Variants in CNOT6 observed in about 807,000 individuals in gnomAD.
The protein encoded by CNOT6 is CCR4-NOT transcription complex subunit 6, also known as carbon catabolite repression 4 protein.
In CNOT6, 12 loss-of-function variants were observed where a neutral mutation model predicts 61.2. The observed-to-expected ratio is 0.20, with a 90% confidence interval of 0.13 to 0.32. The LOEUF (loss-of-function observed/expected upper bound fraction) is 0.32, where lower values mean the gene tolerates loss of function less well. CNOT6 is among the 10% of genes least tolerant of loss of function. The probability of loss-of-function intolerance (pLI) is 1.00; values close to 1 mark genes in which losing one functional copy is unlikely to be tolerated. For synonymous variants in CNOT6, 225 were observed against 240.6 expected (o/e 0.94, Z 0.60); for missense variants, 405 against 663.9 (o/e 0.61, Z 4.28).
chr5:180,531,907 A>T (rs1758410701), intron 2 of CNOT6, among the ~76,000 whole-genome samples: 1 of 152,184 alleles, frequency 6.6e-6, no homozygotes. Flanking sequence ...TCAGGCAGGG[A>T]GGTTGCAGTG....
At chr5:180,530,961 A>G (rs1446060149) in intron 2 of CNOT6, among the ~76,000 whole-genome samples, 1 of 152,204 alleles carries the variant, frequency 6.6e-6, no homozygotes, top group Non-Finnish European at 1.5e-5. Context: ...TCCCATGTCT[A>G]CTTCTTTCTA....
At chr5:180,571,511 C>A (rs1246771300) in intron 11 of CNOT6, 79 bp downstream of exon 11, 1 of 1,012,230 alleles carries the variant, frequency 9.9e-7, no homozygotes, top group Non-Finnish European at 1.5e-6. Context: ...GTCTTTAAAA[C>A]TGTGGCTGTG....
chr5:180,540,402 A>G (rs1214694978), intron 2 of CNOT6, among the ~76,000 whole-genome samples: 1 of 152,242 alleles, frequency 6.6e-6, no homozygotes, highest in Non-Finnish European at 1.5e-5. Context: ...TTACAACAAT[A>G]TACAGGCAGT....
chr5:180,564,398 T>G, intron 4 of CNOT6, 91 bp from the exon 5 acceptor site: 1 of 842,608 alleles, frequency 1.2e-6, no homozygotes, highest in Admixed American at 2.1e-5. Context: ...TATAACATAG[T>G]TATGGATGAT....
rs1244563171 is a variant in CNOT6 at position 180,494,701 on chromosome 5, C to T, written c.-65C>T. 1 of 152,102 alleles carries T rather than the reference C, an allele frequency of 6.6e-6. No homozygotes were observed. The highest frequency in any genetic ancestry group is 1.5e-5 in the Non-Finnish European group (1 of 68,080). The allele number at this position is 152,102 out of a possible 1,614,324, so 9.4% of individuals were successfully genotyped here. ...TGGTATGGTGGTTCCACAGGGCAGA[C>T]CCCGCTGCACTCACAGGGAGGAGGA... On this transcript the variant is annotated 5_prime_UTR_variant, in exon 1 of 12. Transcript: ENST00000261951.
At chr5:180,531,958 A>T (rs1758413057) in intron 2 of CNOT6, among the ~76,000 whole-genome samples, 2 of 152,178 alleles carry the variant, frequency 1.3e-5, no homozygotes. Flanking sequence ...CGGCTTTCAC[A>T]ACTTTGGTGG....
At chr5:180,506,386 T>C (rs1300446425) in intron 1 of CNOT6, among the ~76,000 whole-genome samples, 1 of 152,244 alleles carries the variant, frequency 6.6e-6, no homozygotes. Flanking sequence ...CTCCGGACCT[T>C]CTTTCTTTAT....
In CNOT6 at chr5:180,578,066, TG is replaced by T. The variant is rs1186388780; in HGVS notation, c.*3869del. 1 of 152,636 alleles carries T rather than the reference TG, an allele frequency of 6.6e-6. No individual in the cohort carries two copies. Among genetic ancestry groups the T allele is most frequent in the Non-Finnish European group, 1.5e-5 (1 of 68,040 alleles). 9.5% of individuals were successfully genotyped at this position (152,636 alleles called of 1,614,324 possible). On this transcript the variant is annotated 3_prime_UTR_variant, in exon 12 of 12. Transcript: ENST00000261951. ...CACGTATTTAAAATTCTGAATCTTC[TG>T]GGACAGGGTTGTAACTCAGCCTTCC... is the stretch of plus-strand genomic sequence containing the variant.
chr5:180,546,195 A>G (rs145661274), intron 2 of CNOT6, among the ~76,000 whole-genome samples: 398 of 152,270 alleles, frequency 2.6e-3, no homozygotes, highest in Middle Eastern at 0.01. Context: ...CACCCAGCCC[A>G]ACCATTTGAT....
At chr5:180,568,063 T>C (rs1356914645) in intron 9 of CNOT6, 60 bp downstream of exon 9, 2 of 1,494,570 alleles carry the variant, frequency 1.3e-6, no homozygotes, top group South Asian at 1.4e-5. Flanking sequence ...TTCAAAAGAA[T>C]AGAAAACAGA....
intron 1 of CNOT6, among the ~76,000 whole-genome samples, chr5:180,511,990 C>G (rs1396141536): frequency 6.6e-6 from 1 of 152,146 alleles, no homozygotes; most frequent in African/African-American, 2.4e-5. Context: ...ACTCATTTCT[C>G]TTAATCTGTT....
At chr5:180,533,312 C>CTATATGTATATATATATATATA (rs71591497) in intron 2 of CNOT6, among the ~76,000 whole-genome samples, 1 of 127,630 alleles carries the variant, frequency 7.8e-6, no homozygotes, top group African/African-American at 3.1e-5. Context: ...GGATGAAAAC[C>CTATATGTATATATATATATATA]TATATATATA....
intron 2 of CNOT6, among the ~76,000 whole-genome samples, chr5:180,549,048 C>G (rs758746972): frequency 1.3e-5 from 2 of 150,044 alleles, no homozygotes; most frequent in Non-Finnish European, 2.9e-5. Context: ...AAAGGTCTGA[C>G]TTACTATCTG....
chr5:180,499,705 G>T (rs1171386614), intron 1 of CNOT6, among the ~76,000 whole-genome samples: 1 of 152,206 alleles, frequency 6.6e-6, no homozygotes, highest in Non-Finnish European at 1.5e-5. Flanking sequence ...TTTACACGTT[G>T]AATGGTTAAG....
Position 180,573,968 on chromosome 5 carries a change from T to A in CNOT6, c.1462-20T>A. 6.4e-7 allele frequency: 1 copy of A among 1,553,074 alleles called. No homozygotes were observed. Among genetic ancestry groups the A allele is most frequent in the Non-Finnish European group, 8.9e-7 (1 of 1,124,596 alleles). ...GTGTTGTCTTATACGGTGCTTATCT[T>A]TTTTTCTGTTGTTTTTCAGGGTATA... On this transcript the variant is annotated intron_variant, in intron 11 of 11. Coordinates refer to ENST00000261951, the MANE Select transcript of CNOT6 (RefSeq NM_001370472.1).
intron 1 of CNOT6, among the ~76,000 whole-genome samples, chr5:180,526,453 G>A (rs916795636): frequency 4.6e-5 from 7 of 152,196 alleles, no homozygotes; most frequent in Non-Finnish European, 8.8e-5. Context: ...GGGCATAGGT[G>A]GGAGTTCGTA....
intron 3 of CNOT6, among the ~76,000 whole-genome samples, chr5:180,552,133 T>A (rs1036842371): frequency 1.5e-4 from 23 of 151,658 alleles, no homozygotes; most frequent in African/African-American, 5.1e-4. Flanking sequence ...CCTCCCAAAG[T>A]GCTGGGATTA....
intron 2 of CNOT6, among the ~76,000 whole-genome samples, chr5:180,546,988 C>T (rs1486252840): frequency 1.3e-5 from 2 of 152,120 alleles, no homozygotes; most frequent in Non-Finnish European, 2.9e-5. Flanking sequence ...TGCAAATAGC[C>T]TGAAGGTAAC....
intron 4 of CNOT6, among the ~76,000 whole-genome samples, chr5:180,562,242 T>C (rs1760224010): frequency 6.6e-6 from 1 of 152,218 alleles, no homozygotes; most frequent in East Asian, 1.9e-4. Context: ...TTACACATAA[T>C]ATACAGTGCT....
Sources: allele counts gnomAD v4.1 joint callset (sites outside exome capture counted in the v4.1 genomes callset), GRCh38; gene constraint gnomAD v4.1.1; transcripts MANE v1.5; gene names NCBI Gene and HGNC (gene_info 2026-07-23, HGNC 2026-07-21).